The following ABCG5 variants were observed in gnomAD, a reference collection of about 807,000 sequenced individuals.
ABCG5 encodes the protein ATP-binding cassette sub-family G member 5.
ABCG5 carries 64 observed loss-of-function variants against 64.5 expected under a neutral mutation model. The ratio of observed to expected loss-of-function variants is 0.99; its 90% CI spans 0.81 to 1.22. The LOEUF is 1.22. ABCG5 is among the 50% of genes most tolerant of loss of function. The pLI, the probability that ABCG5 is intolerant of heterozygous loss-of-function variation, is 0.00. For missense variants in ABCG5, 908 were observed against 829.5 expected (o/e 1.09, Z -1.16); for synonymous variants, 385 against 326.3 (o/e 1.18, Z -1.94).
In ABCG5 at chr2:43,838,769, T is replaced by C; in HGVS notation, c.-90A>G. 1 of 1,566,988 alleles carries C rather than the reference T, an allele frequency of 6.4e-7. No homozygotes were observed. The highest frequency in any genetic ancestry group is 8.6e-7 in the Non-Finnish European group (1 of 1,157,040). On this transcript the variant is annotated 5_prime_UTR_variant, in exon 1 of 13. Coordinates refer to ENST00000405322, the MANE Select transcript of ABCG5 (RefSeq NM_022436.3). This position sits in a 1 kb window ranked among gnomAD's most constrained non-coding sequence, Gnocchi z 4.2. ...TTGGGGAGCCCGTGGCAGACTGCCC[T>C]GCCTGCTCCACCTGACCCCGGAGTC...
At chr2:43,835,030 C>T (rs534165450) in intron 2 of ABCG5, among the ~76,000 whole-genome samples, 5 of 152,328 alleles carry the variant, frequency 3.3e-5, no homozygotes, top group Middle Eastern at 3.4e-3. Flanking sequence ...GCACCCACTA[C>T]GTGACCGACC....
At chr2:43,825,900 G>A (rs1667567310) in intron 6 of ABCG5, among the ~76,000 whole-genome samples, 3 of 152,224 alleles carry the variant, frequency 2.0e-5, no homozygotes, top group African/African-American at 7.2e-5. Flanking sequence ...CATGGTAGGT[G>A]CTGAAAGAAG....
At position 43,812,872 on chromosome 2, in the gene ABCG5, G is replaced by T; in HGVS notation, c.*244C>A. On this transcript the variant is annotated 3_prime_UTR_variant, in exon 13 of 13. Transcript: ENST00000405322. ...TTATGAATATTATTTACATTCTTGG[G>T]TCCGCTCAGTCACAATTTCCAAATA... The T allele has an allele frequency of 1.9e-6, 1 of 523,870 alleles. No individual in the cohort carries two copies. 32.5% of individuals were successfully genotyped at this position (523,870 alleles called of 1,614,324 possible).
chr2:43,812,018 G>A (rs1388638725), downstream of ABCG5, among the ~76,000 whole-genome samples: 1 of 152,010 alleles, frequency 6.6e-6, no homozygotes, highest in Non-Finnish European at 1.5e-5. Flanking sequence ...TATGTACCCT[G>A]TTCTTTGTAA....
intron 2 of ABCG5, among the ~76,000 whole-genome samples, chr2:43,833,306 C>A (rs1668063044): frequency 6.6e-6 from 1 of 151,890 alleles, no homozygotes; most frequent in Admixed American, 6.6e-5. Flanking sequence ...GGGAAGATAG[C>A]AAGAGAAATC....
chr2:43,831,759 C>T lies in ABCG5; in HGVS notation c.501+10G>A. On this transcript the variant is annotated intron_variant, in intron 4 of 12. Coordinates refer to ENST00000405322, the MANE Select transcript of ABCG5 (RefSeq NM_022436.3). The stretch of plus-strand genomic sequence containing the variant: ...CAGTTTGCCCTCTGTGAGCGGGGGG[C>T]TGCACCCACCTTCTTCTGGAAGGAG... 2 of 1,568,220 alleles carry T rather than the reference C, an allele frequency of 1.3e-6. No homozygotes were observed.
chr2:43,822,920 G>C lies in ABCG5; in HGVS notation c.1340C>G (p.Ala447Gly), dbSNP rs200373089. The change falls in exon 10 of 13, where the codon GCT (alanine) becomes GGT (glycine). Residue 447 changes from alanine to glycine, a missense_variant. Physicochemically the swap from Ala to Gly is moderately conservative, Grantham distance 60. Transcript: ENST00000405322. Reference protein sequence around the residue: ...NAVNLFPVLRAVSDQESQDGL... With the variant: ...NAVNLFPVLRGVSDQESQDGL... ...GTCCTGACTCTCCTGGTCGCTGACA[G>C]CTCGCAGCACGGGAACTGGGGATGG... 2.5e-6 allele frequency: 4 copies of C among 1,613,840 alleles called. No homozygotes were observed. Among genetic ancestry groups the C allele is most frequent in the Admixed American group, 1.7e-5 (1 of 59,972 alleles).
chr2:43,808,467 A>G (rs952178086), downstream of ABCG5, among the ~76,000 whole-genome samples: 1 of 152,210 alleles, frequency 6.6e-6, no homozygotes, highest in African/African-American at 2.4e-5. Flanking sequence ...CTCATCTTGC[A>G]GAGTAACCAC....
chr2:43,815,853 T>C (rs1666779464), intron 11 of ABCG5, among the ~76,000 whole-genome samples: 1 of 142,422 alleles, frequency 7.0e-6, no homozygotes, highest in Admixed American at 7.3e-5. Context: ...CTGAGAAAAT[T>C]AACGTGACTC....
intron 4 of ABCG5, chr2:43,828,609 C>T (rs910236463): frequency 1.6e-5 from 5 of 315,642 alleles, no homozygotes; most frequent in Non-Finnish European, 3.0e-5. Flanking sequence ...CCACAGTTAG[C>T]CATGATGGCA....
At chr2:43,809,733 C>T, downstream of ABCG5, 1 of 1,612,084 alleles carries the variant, frequency 6.2e-7, no homozygotes, top group East Asian at 2.2e-5. Flanking sequence ...AGAAGTTCTT[C>T]CAAGTCTTGG....
At chr2:43,839,147 C>A (rs1223302692), upstream of ABCG5, 1 of 1,549,524 alleles carries the variant, frequency 6.5e-7, no homozygotes, top group Non-Finnish European at 8.7e-7. Flanking sequence ...CGGCCCAGGC[C>A]TGGTGGGCGG....
In ABCG5 at chr2:43,838,528, C is replaced by G. The variant is rs1377714293; in HGVS notation, c.143+9G>C. 7 of 1,595,074 alleles carry G rather than the reference C, an allele frequency of 4.4e-6. No individual in the cohort carries two copies. In the African/African-American group the frequency reaches 8.0e-5, roughly 18 times the overall value. ...TGGGGGAGCAGCAGCAGCAAGGGCTCTGCCTTACCTGACGCTGTAGGAGGC... is the reference window on the plus strand; with the variant it reads ...TGGGGGAGCAGCAGCAGCAAGGGCTGTGCCTTACCTGACGCTGTAGGAGGC... On this transcript the variant is annotated intron_variant, in intron 1 of 12. Coordinates refer to ENST00000405322, the MANE Select transcript of ABCG5 (RefSeq NM_022436.3). This position sits in a 1 kb window ranked among gnomAD's most constrained non-coding sequence, Gnocchi z 4.2.
At chr2:43,813,349 C>T (rs1666584660) in intron 12 of ABCG5, 40 bp from the exon 13 acceptor site, 3 of 1,442,424 alleles carry the variant, frequency 2.1e-6, no homozygotes, top group East Asian at 2.3e-5. Context: ...TGTGGTTTAT[C>T]TCAGGTAATT....
In ABCG5 at chr2:43,838,457, G is replaced by T; in HGVS notation, c.143+80C>A. 1 of 1,404,238 alleles carries T rather than the reference G, an allele frequency of 7.1e-7. No individual in the cohort carries two copies. The highest frequency in any genetic ancestry group is 9.8e-7 in the Non-Finnish European group (1 of 1,018,986). 87.0% of individuals were successfully genotyped at this position (1,404,238 alleles called of 1,614,324 possible). A position where few individuals can be genotyped will look rare whatever the true frequency, so the allele number is the denominator to read the frequency against. ...CGAAGTGCCCAGACTGGCACTTAAA[G>T]AGTGAAGAAAGGCAGCAGAGGGGTG... On this transcript the variant is annotated intron_variant, in intron 1 of 12. Coordinates refer to ENST00000405322, the MANE Select transcript of ABCG5 (RefSeq NM_022436.3). This position sits in a 1 kb window ranked among gnomAD's most constrained non-coding sequence, Gnocchi z 4.2.
intron 4 of ABCG5, 190 bp from the exon 5 acceptor site, chr2:43,828,305 A>G (rs1364960215): frequency 1.3e-6 from 1 of 770,474 alleles, no homozygotes. Flanking sequence ...ATCGTAATAC[A>G]TGTGTCAGAT....
chr2:43,822,259 T>C (rs541482790), intron 10 of ABCG5, among the ~76,000 whole-genome samples: 2 of 152,208 alleles, frequency 1.3e-5, no homozygotes, highest in Non-Finnish European at 2.9e-5. Context: ...CCTTCTCCCT[T>C]TATGCTTCAC....
At position 43,824,921 on chromosome 2, in the gene ABCG5, C is replaced by T. The variant is rs780071302; in HGVS notation, c.872G>A (p.Cys291Tyr). ...LDFFNDCGYP[C>Y]PEHSNPFDFY... Reference sequence around the variant, plus strand: ...GTCAAAAGGGTTTGAATGTTCAGGACAAGGGTAACCGCAGTCATTGAAGAA... The same window carrying T: ...GTCAAAAGGGTTTGAATGTTCAGGATAAGGGTAACCGCAGTCATTGAAGAA... The change falls in exon 7 of 13, where the codon TGT (cysteine) becomes TAT (tyrosine). Residue 291 changes from cysteine (C) to tyrosine (Y), a missense_variant. By Grantham distance (194) the Cys-to-Tyr change is radical (BLOSUM62 -2). Coordinates refer to ENST00000405322, the MANE Select transcript of ABCG5 (RefSeq NM_022436.3). 1.2e-6 allele frequency: 2 copies of T among 1,614,094 alleles called. No homozygotes were observed. Among genetic ancestry groups the T allele is most frequent in the Non-Finnish European group, 1.7e-6 (2 of 1,179,986 alleles).
rs144622073 is a variant in ABCG5, at chr2:43,838,602, C to A, written c.78G>T (p.Glu26Asp). 1.1e-4 allele frequency: 172 copies of A among 1,611,902 alleles called. No homozygotes were observed. The highest frequency in any genetic ancestry group is 1.4e-4 in the Non-Finnish European group (164 of 1,179,464). The change falls in exon 1 of 13, where the codon GAG becomes GAT. Residue 26 changes from glutamate to aspartate, a missense_variant. By Grantham distance (45) the Glu-to-Asp change is conservative. Coordinates refer to ENST00000405322, the MANE Select transcript of ABCG5 (RefSeq NM_022436.3). This position sits in a 1 kb window ranked among gnomAD's most constrained non-coding sequence, Gnocchi z 4.2. ...GCTCCGGGGCGGTGGCAGGAGCCCC[C>A]TCCAGGGAGCTCTGGGAGCCTCTGT... ...QVNRGSQSSL[E>D]GAPATAPEPH...
Sources: allele counts gnomAD v4.1 joint callset (sites outside exome capture counted in the v4.1 genomes callset), GRCh38; gene constraint gnomAD v4.1.1; non-coding constraint Gnocchi (gnomAD v3.1); transcripts MANE v1.5; gene names NCBI Gene and HGNC (gene_info 2026-07-23, HGNC 2026-07-21).